XRCC3: variants seen among roughly 807,000 people sequenced by gnomAD.
The protein encoded by XRCC3 is X-ray repair cross complementing 3.
XRCC3 carries 34 observed loss-of-function variants against 29.2 expected under a neutral mutation model. That is an observed-to-expected ratio of 1.16 (90% confidence interval 0.88 to 1.55). XRCC3 has a LOEUF of 1.55. Ranked by LOEUF, XRCC3 falls within the 40% of genes most tolerant of loss-of-function variation. The pLI is 0.00. For missense variants in XRCC3, 463 were observed against 467.6 expected (o/e 0.99, Z 0.09); for synonymous variants, 223 against 211.3 (o/e 1.06, Z -0.48).
chr14:103,709,172 G>A (rs1003844473), intron 4 of XRCC3: 10 of 269,782 alleles, frequency 3.7e-5, no homozygotes, highest in Middle Eastern at 1.3e-3. Context: ...CGCCAGCTGC[G>A]CAGGGCAGTC....
chr14:103,706,818 G>C (rs929006621), intron 6 of XRCC3, 185 bp downstream of exon 6: 3 of 741,172 alleles, frequency 4.0e-6, no homozygotes, highest in South Asian at 3.3e-5. Context: ...GCTGTCAGCT[G>C]AGCCCAGCCT....
chr14:103,709,936 A>C (rs2083565806), intron 4 of XRCC3: 1 of 152,290 alleles, frequency 6.6e-6, no homozygotes, highest in Admixed American at 6.5e-5. Context: ...GAGGGTCAGG[A>C]CAGCGAGGCC....
At chr14:103,714,622 T>TA (rs2083743366) in intron 1 of XRCC3, among the ~76,000 whole-genome samples, 1 of 152,056 alleles carries the variant, frequency 6.6e-6, no homozygotes, top group African/African-American at 2.4e-5. Flanking sequence ...AAAAAAACAA[T>TA]AAAAATTCAC....
At position 103,707,059 on chromosome 14, in the gene XRCC3, G is replaced by A. The variant is rs1429588819; in HGVS notation, c.350C>T (p.Ala117Val). Residue 117 changes from alanine (A) to valine (V), a missense_variant, in exon 6 of 10, where the codon GCG becomes GTG. Ala to Val is a moderately conservative substitution (Grantham distance 64). Transcript: ENST00000555055. ...CTGCACAGCCAGGCAGAGCTGCAGC[G>A]CCAGCTGGGTCTTCCCTGCCGAGCT... ...GRSSAGKTQL[A>V]LQLCLAVQFP... 8.3e-6 allele frequency: 13 copies of A among 1,564,104 alleles called. No homozygotes were observed. The highest frequency in any genetic ancestry group is 1.7e-4 in the Middle Eastern group (1 of 5,792).
chr14:103,708,873 G>A (rs554814824), intron 4 of XRCC3: 73 of 599,858 alleles, frequency 1.2e-4, no homozygotes, highest in South Asian at 1.1e-3. Context: ...TGGACACTGC[G>A]CCCTGAGTCC....
At chr14:103,703,651 C>A in intron 6 of XRCC3, 2 of 401,814 alleles carry the variant, frequency 5.0e-6, no homozygotes, top group South Asian at 4.3e-5. Flanking sequence ...CCTCCTTCCC[C>A]CTGTGAACCT....
chr14:103,709,016 G>A (rs2083537059), intron 4 of XRCC3: 1 of 360,596 alleles, frequency 2.8e-6, no homozygotes, highest in Non-Finnish European at 5.4e-6. Flanking sequence ...GCCAGCTGGA[G>A]ACAGTGCTCC....
At chr14:103,701,103 T>C (rs2151923050) in intron 7 of XRCC3, 1 of 1,439,808 alleles carries the variant, frequency 6.9e-7, no homozygotes, top group Admixed American at 2.0e-5. Context: ...TAGGCAGACT[T>C]GGGGTGGGGG....
intron 6 of XRCC3, 45 bp from the exon 7 acceptor site, chr14:103,703,372 G>A (rs2151932043): frequency 6.6e-7 from 1 of 1,522,862 alleles, no homozygotes; most frequent in Non-Finnish European, 8.8e-7. Context: ...CTCCAGACGG[G>A]CCTGTGACTG....
intron 2 of XRCC3, chr14:103,712,016 G>A (rs1031502026): frequency 4.1e-5 from 14 of 343,998 alleles, no homozygotes; most frequent in Non-Finnish European, 8.1e-5. Context: ...CTTGGAGAAG[G>A]TTTTCCCTTG....
rs369021228 is a variant in XRCC3, at chr14:103,703,252, A to G, written c.482T>C (p.Leu161Pro). The change falls in exon 7 of 10, where the codon CTG (leucine) becomes CCG (proline). Residue 161 changes from leucine (L) to proline (P), a missense_variant. Physicochemically the swap from Leu to Pro is moderately conservative, Grantham distance 98. Coordinates refer to ENST00000555055, the MANE Select transcript of XRCC3 (RefSeq NM_005432.4). Reference protein sequence around the residue: ...LQQLMAQQPRLRTDVPGELLQ... With the variant: ...LQQLMAQQPRPRTDVPGELLQ... ...CAGCTCTCCTGGAACGTCAGTGCGC[A>G]GCCGCGGCTGCTGGGCCATGAGCTG... is the stretch of plus-strand genomic sequence containing the variant. 1.3e-5 allele frequency: 21 copies of G among 1,562,014 alleles called. No individual in the cohort carries two copies. The highest frequency in any genetic ancestry group is 5.4e-5 in the African/African-American group (4 of 73,608).
At position 103,699,124 on chromosome 14, in the gene XRCC3, T is replaced by A. The variant is rs1413852393; in HGVS notation, c.821+9A>T. 6.4e-7 allele frequency: 1 copy of A among 1,573,292 alleles called. No individual in the cohort carries two copies. The highest frequency in any genetic ancestry group is 1.2e-5 in the South Asian group (1 of 86,692). ...CACAGAGGTGCACACACCACATGGC[T>A]GCACTCACCCCAGCGGCCCGTGTGC... On this transcript the variant is annotated intron_variant, in intron 9 of 9. Coordinates refer to ENST00000555055, the MANE Select transcript of XRCC3 (RefSeq NM_005432.4).
chr14:103,706,307 C>T (rs368947616), intron 6 of XRCC3: 8 of 455,844 alleles, frequency 1.8e-5, no homozygotes, highest in African/African-American at 4.0e-5. Flanking sequence ...GCCTGGGGTC[C>T]GGCCCTGTGT....
rs1435774862 is a variant in XRCC3, at chr14:103,701,242, G to GTGGCCCGGAGC, written c.562-1677_562-1667dup. ...CCGCTCCAGGATGGGACTGCCGAGT[G>GTGGCCCGGAGC]TGGCCCGGAGCTGGCCCGGGACAGC... is the stretch of plus-strand genomic sequence containing the variant. On this transcript the variant is annotated intron_variant, in intron 7 of 9. Transcript: ENST00000555055. 4 of 1,547,334 alleles carry GTGGCCCGGAGC rather than the reference G, an allele frequency of 2.6e-6. No individual in the cohort carries two copies. The South Asian group carries it at 3.6e-5, about 14-fold the overall frequency.
rs1284161669 is a variant in XRCC3 at position 103,699,438 on chromosome 14, G to A, written c.700C>T (p.His234Tyr). The change falls in exon 8 of 10, where the codon CAT (histidine) becomes TAT (tyrosine). Residue 234 changes from histidine (H) to tyrosine (Y), a missense_variant. By Grantham distance (83) the His-to-Tyr change is moderately conservative. Coordinates refer to ENST00000555055, the MANE Select transcript of XRCC3 (RefSeq NM_005432.4). Reference sequence around the variant, plus strand: ...AGCGTGGCCCCCAGGGACTGCAGATGCCTGGCCCTGGGGGCGGAGGCCTGG... The same window carrying A: ...AGCGTGGCCCCCAGGGACTGCAGATACCTGGCCCTGGGGGCGGAGGCCTGG... Reference protein sequence around the residue: ...DSQASAPRARHLQSLGATLRE... With the variant: ...DSQASAPRARYLQSLGATLRE... 1.9e-6 allele frequency: 3 copies of A among 1,612,768 alleles called. No homozygotes were observed. Among genetic ancestry groups the A allele is most frequent in the Non-Finnish European group, 1.7e-6 (2 of 1,179,946 alleles).
chr14:103,708,429 G>C (rs1595670212), intron 5 of XRCC3, 93 bp downstream of exon 5: 2 of 1,577,846 alleles, frequency 1.3e-6, no homozygotes, highest in Non-Finnish European at 1.7e-6. Context: ...GCTGGTCCCT[G>C]GGTGAAGTCT....
chr14:103,699,414 G>A lies in XRCC3; in HGVS notation c.724C>T (p.Leu242=), dbSNP rs1413107447. ...ARHLQSLGAT[L]RELSSAFQSP... ...TGGAAGGCACTGCTCAGCTCACGCA[G>A]CGTGGCCCCCAGGGACTGCAGATGC... The change falls in exon 8 of 10, where the codon CTG becomes TTG. Residue 242 remains leucine (L), a synonymous_variant. Transcript: ENST00000555055. The A allele has an allele frequency of 6.2e-7, 1 of 1,612,618 alleles. No individual in the cohort carries two copies. The highest frequency in any genetic ancestry group is 8.5e-7 in the Non-Finnish European group (1 of 1,179,830).
At chr14:103,709,810 A>ACTCC (rs1181271794) in intron 4 of XRCC3, 2 of 152,134 alleles carry the variant, frequency 1.3e-5, no homozygotes, top group Non-Finnish European at 2.9e-5. Context: ...TGAGAAAGGA[A>ACTCC]CTCCCTGGCT....
chr14:103,707,244 ACT>A, intron 5 of XRCC3, 29 bp from the exon 6 acceptor site: 1 of 1,547,236 alleles, frequency 6.5e-7, no homozygotes, highest in South Asian at 1.2e-5. Flanking sequence ...GTCAGGCCTG[ACT>A]CTCCTGGGCC....
Sources: allele counts gnomAD v4.1 joint callset (sites outside exome capture counted in the v4.1 genomes callset), GRCh38; gene constraint gnomAD v4.1.1; transcripts MANE v1.5; gene names NCBI Gene and HGNC (gene_info 2026-07-23, HGNC 2026-07-21).